Variants in ERC2 observed in about 807,000 individuals in gnomAD.
The protein encoded by ERC2 is ELKS/RAB6-interacting/CAST family member 2.
ERC2 carries 42 observed loss-of-function variants against 114.8 expected under a neutral mutation model. That is an observed-to-expected ratio of 0.37 (90% CI 0.29 to 0.47). ERC2 has a LOEUF of 0.47. Among genes scored for constraint, ERC2 ranks in the 20% least tolerant of loss-of-function variants. ERC2 has a pLI of 0.99. For synonymous variants in ERC2, 454 were observed against 425.5 expected (o/e 1.07, Z -0.82); for missense variants, 939 against 1,150.7 (o/e 0.82, Z 2.66).
chr3:56,033,790 C>A (rs962389028), intron 7 of ERC2, among the ~76,000 whole-genome samples: 1 of 151,274 alleles, frequency 6.6e-6, no homozygotes, highest in Non-Finnish European at 1.5e-5. Context: ...TACAAGATTT[C>A]TTTTTTTTTC....
At chr3:56,351,480 T>A (rs770240017) in intron 2 of ERC2, among the ~76,000 whole-genome samples, 2 of 151,990 alleles carry the variant, frequency 1.3e-5, no homozygotes, top group African/African-American at 2.4e-5. Context: ...GGGCAGGGCA[T>A]CATCACCTGA....
chr3:56,011,444 TCTGA>T (rs2072928198), intron 8 of ERC2, among the ~76,000 whole-genome samples: 1 of 152,130 alleles, frequency 6.6e-6, no homozygotes, highest in African/African-American at 2.4e-5. Flanking sequence ...TCCCAGGCTC[TCTGA>T]CTGTCAGCCA....
intron 14 of ERC2, among the ~76,000 whole-genome samples, chr3:55,796,224 G>A (rs1490160339): frequency 1.3e-5 from 2 of 150,120 alleles, no homozygotes; most frequent in East Asian, 2.0e-4. Flanking sequence ...CAAAAGGTTC[G>A]AAGCAGGCAA....
chr3:55,988,700 C>T (rs2070820905), intron 11 of ERC2, among the ~76,000 whole-genome samples: 1 of 152,194 alleles, frequency 6.6e-6, no homozygotes, highest in Admixed American at 6.5e-5. Context: ...GGTCACATTA[C>T]AAGCCAGAGA....
chr3:55,517,925 T>C (rs2052643763), intron 17 of ERC2, among the ~76,000 whole-genome samples: 1 of 152,232 alleles, frequency 6.6e-6, no homozygotes, highest in South Asian at 2.1e-4. Context: ...ATACCTTCTT[T>C]AACAGGAGAG....
chr3:56,292,380 C>A (rs2055144505), intron 3 of ERC2, among the ~76,000 whole-genome samples: 1 of 149,912 alleles, frequency 6.7e-6, no homozygotes, highest in Non-Finnish European at 1.5e-5. Context: ...GCTCAGGAGC[C>A]TAGCCTGGGC....
chr3:56,130,068 A>G (rs1279109945), intron 6 of ERC2, among the ~76,000 whole-genome samples: 1 of 152,236 alleles, frequency 6.6e-6, no homozygotes, highest in Non-Finnish European at 1.5e-5. Flanking sequence ...AGTTGCAGTA[A>G]CAATATGAAA....
At chr3:55,828,715 G>C (rs1409948499) in intron 14 of ERC2, among the ~76,000 whole-genome samples, 3 of 152,054 alleles carry the variant, frequency 2.0e-5, no homozygotes, top group Non-Finnish European at 2.9e-5. Flanking sequence ...AATGGACACT[G>C]AGACAACTAC....
At chr3:55,799,378 G>T (rs961787643) in intron 14 of ERC2, among the ~76,000 whole-genome samples, 2 of 141,586 alleles carry the variant, frequency 1.4e-5, no homozygotes, top group Non-Finnish European at 3.0e-5. Context: ...ATATATATAT[G>T]CCTTATATAT....
chr3:56,292,542 A>G (rs191985972), intron 3 of ERC2, among the ~76,000 whole-genome samples: 1 of 152,086 alleles, frequency 6.6e-6, no homozygotes, highest in East Asian at 1.9e-4. Context: ...GTAAGCCGAG[A>G]CTGTGCCACT....
chr3:55,523,116 G>A (rs2053073945), intron 17 of ERC2, among the ~76,000 whole-genome samples: 1 of 152,188 alleles, frequency 6.6e-6, no homozygotes, highest in African/African-American at 2.4e-5. Context: ...AAGGGACTGG[G>A]GCATGACAAA....
intron 4 of ERC2, among the ~76,000 whole-genome samples, chr3:56,150,761 C>T (rs2081372521): frequency 6.6e-6 from 1 of 152,060 alleles, no homozygotes; most frequent in Non-Finnish European, 1.5e-5. Context: ...TTGTATACTA[C>T]CAGTTTAAAT....
intron 6 of ERC2, among the ~76,000 whole-genome samples, chr3:56,136,732 A>T (rs56304204): frequency 0.031 from 4,675 of 152,158 alleles, 158 homozygotes; most frequent in African/African-American, 0.078. Context: ...AGCAATTTCA[A>T]CCTAAATTGC....
chr3:56,079,747 T>C (rs568484143), intron 7 of ERC2, among the ~76,000 whole-genome samples: 23 of 152,290 alleles, frequency 1.5e-4, no homozygotes, highest in African/African-American at 5.5e-4. Context: ...ATTATGTAAT[T>C]GGTTGTGACT....
At chr3:55,654,544 C>T (rs757692475) in intron 17 of ERC2, among the ~76,000 whole-genome samples, 1 of 152,230 alleles carries the variant, frequency 6.6e-6, no homozygotes, top group African/African-American at 2.4e-5. Context: ...CTGCAGAAAA[C>T]GGTTGCAGAG....
At chr3:56,397,203 G>T (rs565912728) in intron 2 of ERC2, among the ~76,000 whole-genome samples, 1 of 152,074 alleles carries the variant, frequency 6.6e-6, no homozygotes, top group Non-Finnish European at 1.5e-5. Flanking sequence ...TAAAAAATGG[G>T]CCGGGCACAG....
intron 3 of ERC2, among the ~76,000 whole-genome samples, chr3:56,218,341 AC>A (rs1226675907): frequency 6.6e-6 from 1 of 152,246 alleles, no homozygotes; most frequent in Non-Finnish European, 1.5e-5. Context: ...ACATGAACAG[AC>A]ACTTCTCAAA....
chr3:56,226,507 C>T (rs1377246592), intron 3 of ERC2, among the ~76,000 whole-genome samples: 1 of 152,124 alleles, frequency 6.6e-6, no homozygotes, highest in Non-Finnish European at 1.5e-5. Context: ...TGTGCTATGA[C>T]ATTGTCACCG....
rs370413764 is a variant in ERC2, at chr3:55,532,101, T to C, written c.*40-20825A>G. 2.2e-3 allele frequency among the ~76,000 whole-genome samples: 331 copies of C among 152,234 alleles called. 1 individual carries two copies. The highest frequency in any genetic ancestry group is 7.4e-3 in the African/African-American group (309 of 41,538). On this transcript the variant is annotated intron_variant, in intron 17 of 17. Coordinates refer to ENST00000288221, the MANE Select transcript of ERC2 (RefSeq NM_015576.3). ...TCACCCTTTTCATAGGATTTCTGGATCTCCTTGGTGGCATAAAGATATCAA... is the reference window on the plus strand; with the variant it reads ...TCACCCTTTTCATAGGATTTCTGGACCTCCTTGGTGGCATAAAGATATCAA...
Sources: gnomAD v4.1 joint callset for allele counts (sites outside exome capture counted in the v4.1 genomes callset) on GRCh38, gnomAD v4.1.1 for gene constraint, MANE v1.5 for transcripts, NCBI Gene and HGNC (gene_info 2026-07-23, HGNC 2026-07-21) for gene names.